CAPG: variants seen among roughly 807,000 people sequenced by gnomAD.
CAPG encodes macrophage-capping protein.
Under a neutral mutation model 44.6 loss-of-function variants are expected in CAPG, and 32 were observed. The observed-to-expected ratio is 0.72, with a 90% CI of 0.54 to 0.96. The LOEUF (loss-of-function observed/expected upper bound fraction) is 0.96, where lower values mean the gene tolerates loss of function less well. Among genes scored for constraint, CAPG ranks in the 50% least tolerant of loss-of-function variants. The probability of loss-of-function intolerance (pLI) is 0.00; values close to 1 mark genes in which losing one functional copy is unlikely to be tolerated. For missense variants in CAPG, 412 were observed against 438.3 expected (o/e 0.94, Z 0.54); for synonymous variants, 175 against 179.6 (o/e 0.97, Z 0.20).
Position 85,401,582 on chromosome 2 carries a change from C to G in CAPG, c.298G>C (p.Gly100Arg). ...ERPVQHREVQGNESDLFMSYF... is the reference protein window; with the variant it reads ...ERPVQHREVQRNESDLFMSYF... Reference sequence around the variant, plus strand: ...CTCATGAAGAGGTCAGACTCATTGCCCTGCACCTCGCGGTGCTGCACAGGC... The same window carrying G: ...CTCATGAAGAGGTCAGACTCATTGCGCTGCACCTCGCGGTGCTGCACAGGC... Residue 100 changes from glycine to arginine, a missense_variant, in exon 4 of 10, where the codon GGC (glycine) becomes CGC (arginine). By Grantham distance (125) the Gly-to-Arg change is moderately radical (BLOSUM62 -2). Transcript: ENST00000263867. The G allele has an allele frequency of 6.2e-7, 1 of 1,614,180 alleles. No homozygotes were observed. The highest frequency in any genetic ancestry group is 2.2e-5 in the East Asian group (1 of 44,886).
At chr2:85,400,863 C>T (rs1414421946) in intron 5 of CAPG, among the ~76,000 whole-genome samples, 1 of 152,160 alleles carries the variant, frequency 6.6e-6, no homozygotes, top group East Asian at 1.9e-4. Flanking sequence ...GAGAGAGCAT[C>T]ATAGATTCAC....
chr2:85,413,687 C>G (rs151266995), upstream of CAPG: 68 of 152,384 alleles, frequency 4.5e-4, no homozygotes, highest in African/African-American at 1.6e-3. Flanking sequence ...TATCTGGTAA[C>G]GACGCTCTAG....
At chr2:85,398,253 G>T in intron 7 of CAPG, 101 bp from the exon 8 acceptor site, 1 of 1,368,012 alleles carries the variant, frequency 7.3e-7, no homozygotes, top group Non-Finnish European at 1.0e-6. Context: ...CTCCCACTGT[G>T]CCTCGCTGCC....
intron 5 of CAPG, among the ~76,000 whole-genome samples, chr2:85,399,646 T>C (rs1041019702): frequency 6.6e-6 from 1 of 152,062 alleles, no homozygotes; most frequent in Non-Finnish European, 1.5e-5. Flanking sequence ...CTTGCCACCA[T>C]GCCTGGCTAA....
At chr2:85,408,338 T>TCACA (rs71390065) in intron 1 of CAPG, among the ~76,000 whole-genome samples, 19,611 of 129,346 alleles carry the variant, frequency 0.15, 1,578 homozygotes, top group Non-Finnish European at 0.18. Context: ...GAAGAATCTG[T>TCACA]CACACACACA....
At chr2:85,398,565 C>A (rs921451114) in intron 7 of CAPG, 125 bp downstream of exon 7, 13 of 775,792 alleles carry the variant, frequency 1.7e-5, no homozygotes, top group Admixed American at 9.3e-5. Flanking sequence ...CTCCCCACCT[C>A]CCACCTCGGT....
At chr2:85,400,498 C>T (rs1482666174) in intron 5 of CAPG, among the ~76,000 whole-genome samples, 5 of 152,212 alleles carry the variant, frequency 3.3e-5, no homozygotes, top group Admixed American at 2.0e-4. Context: ...GCTCACCTTC[C>T]ACCTTGCTTA....
At chr2:85,402,831 C>T (rs1171738864) in intron 1 of CAPG, among the ~76,000 whole-genome samples, 3 of 150,668 alleles carry the variant, frequency 2.0e-5, no homozygotes, top group Non-Finnish European at 4.4e-5. Context: ...AGTGCAGTGG[C>T]GTGATCTCAG....
At chr2:85,401,710 A>C (rs747619453) in intron 3 of CAPG, 27 bp from the exon 4 acceptor site, 73 of 1,613,820 alleles carry the variant, frequency 4.5e-5, no homozygotes, top group Non-Finnish European at 5.9e-5. Context: ...AGGGCAGGGC[A>C]AGGCCCTTGT....
downstream of CAPG, among the ~76,000 whole-genome samples, chr2:85,393,591 C>T (rs1686463301): frequency 1.3e-5 from 2 of 150,432 alleles, no homozygotes. Context: ...TTTTTTGAGT[C>T]GGAGTCTCTG....
chr2:85,412,776 C>T (rs544329996), upstream of CAPG, among the ~76,000 whole-genome samples: 22 of 152,182 alleles, frequency 1.4e-4, no homozygotes, highest in South Asian at 3.3e-3. Context: ...ACAGGCTGGG[C>T]GGTTAACCTG....
chr2:85,397,205 G>C (rs1686639868), intron 8 of CAPG, among the ~76,000 whole-genome samples: 1 of 152,186 alleles, frequency 6.6e-6, no homozygotes, highest in Non-Finnish European at 1.5e-5. Flanking sequence ...CTAGAGCTGG[G>C]CTAGGGCAGT....
chr2:85,402,224 G>A, intron 1 of CAPG, 66 bp from the exon 2 acceptor site: 1 of 1,361,740 alleles, frequency 7.3e-7, no homozygotes, highest in Non-Finnish European at 1.0e-6. Flanking sequence ...CGTGGGGCTG[G>A]AGAGGCCCTT....
chr2:85,401,067 G>A, intron 5 of CAPG, 98 bp downstream of exon 5: 1 of 1,195,788 alleles, frequency 8.4e-7, no homozygotes, highest in South Asian at 1.4e-5. Flanking sequence ...TGGGTTTACG[G>A]CTTCTCAGCT....
chr2:85,406,641 C>T (rs565183227), intron 1 of CAPG, among the ~76,000 whole-genome samples: 1 of 151,858 alleles, frequency 6.6e-6, no homozygotes, highest in South Asian at 2.1e-4. Context: ...GGCAGATCAC[C>T]TGAGGTCGGG....
At chr2:85,399,068 C>T (rs1686749629) in intron 6 of CAPG, 68 bp downstream of exon 6, 3 of 1,539,208 alleles carry the variant, frequency 1.9e-6, no homozygotes, top group African/African-American at 1.4e-5. Flanking sequence ...CAGCCCTCAG[C>T]TCATCACCAC....
chr2:85,392,212 A>G (rs1319682613), downstream of CAPG, among the ~76,000 whole-genome samples: 1 of 152,138 alleles, frequency 6.6e-6, no homozygotes, highest in Non-Finnish European at 1.5e-5. Context: ...AACACAGTGA[A>G]ACCCCGTCTC....
At chr2:85,397,856 T>A (rs918088989) in intron 8 of CAPG, among the ~76,000 whole-genome samples, 164 bp downstream of exon 8, 1 of 152,154 alleles carries the variant, frequency 6.6e-6, no homozygotes, top group Non-Finnish European at 1.5e-5. Flanking sequence ...CATCTCTATC[T>A]TTTAAAAAAA....
Position 85,395,205 on chromosome 2 carries a change from G to A in CAPG, c.982-247C>T, listed in dbSNP as rs1686531038. 6.6e-6 allele frequency among the ~76,000 whole-genome samples: 1 copy of A among 152,186 alleles called. No homozygotes were observed. The highest frequency in any genetic ancestry group is 2.1e-4 in the South Asian group (1 of 4,826). Reference sequence around the variant, plus strand: ...CACAGTTTAATAAATGCCACCAACGGTAGCTGAGCCCTGTCAGCTCCCCAC... The same window carrying A: ...CACAGTTTAATAAATGCCACCAACGATAGCTGAGCCCTGTCAGCTCCCCAC... On this transcript the variant is annotated intron_variant, in intron 9 of 9. Transcript: ENST00000263867. The surrounding 1 kb of genome is among the most constrained non-coding windows in gnomAD (Gnocchi z 4.3).
Sources: gnomAD v4.1 joint callset for allele counts (sites outside exome capture counted in the v4.1 genomes callset) on GRCh38, gnomAD v4.1.1 for gene constraint, Gnocchi (gnomAD v3.1) non-coding constraint, MANE v1.5 for transcripts, NCBI Gene and HGNC (gene_info 2026-07-23, HGNC 2026-07-21) for gene names.